The following RBM39 variants were observed in gnomAD, a reference collection of about 807,000 sequenced individuals.
RBM39 encodes the protein RNA-binding protein 39.
Under a neutral mutation model 79.6 loss-of-function variants are expected in RBM39, and 12 were observed. The observed-to-expected ratio is 0.15, with a 90% confidence interval of 0.10 to 0.24. The LOEUF (loss-of-function observed/expected upper bound fraction) is 0.24, where lower values mean the gene tolerates loss of function less well. RBM39 is among the 10% of genes least tolerant of loss of function. The pLI, the probability that RBM39 is intolerant of heterozygous loss-of-function variation, is 1.00. For missense variants in RBM39, 243 were observed against 653.4 expected (o/e 0.37, Z 6.85); for synonymous variants, 185 against 208.4 (o/e 0.89, Z 0.97).
intron 8 of RBM39, among the ~76,000 whole-genome samples, chr20:35,722,673 C>G (rs1279568953): frequency 6.6e-6 from 1 of 151,742 alleles, no homozygotes; most frequent in East Asian, 1.9e-4. Context: ...GTGTCTCACG[C>G]CTGTAATCCT....
At position 35,729,820 on chromosome 20, in the gene RBM39, T is replaced by C. The variant is rs1366291488; in HGVS notation, c.297-293A>G. Among the ~76,000 whole-genome samples, 5 of 141,518 alleles carry C rather than the reference T, an allele frequency of 3.5e-5. No homozygotes were observed. In the Admixed American group the frequency reaches 3.8e-4, roughly 11 times the overall value. 92.8% of individuals were successfully genotyped at this position (141,518 alleles called of 152,430 possible). A position where few individuals can be genotyped will look rare whatever the true frequency, so the allele number is the denominator to read the frequency against. ...ACTTTAGATATCTTTGTAAGCTACA[T>C]ATATATATACAGTCTTGAGAATTAA... is the stretch of plus-strand genomic sequence containing the variant. On this transcript the variant is annotated intron_variant, in intron 4 of 16. Coordinates refer to ENST00000253363, the MANE Select transcript of RBM39 (RefSeq NM_184234.3).
At chr20:35,712,928 T>C in intron 12 of RBM39, 91 bp downstream of exon 12, 1 of 983,176 alleles carries the variant, frequency 1.0e-6, no homozygotes, top group South Asian at 1.6e-5. Flanking sequence ...ATGAATTGAA[T>C]TCTCAGTAAG....
chr20:35,715,333 C>T (rs60223674), intron 10 of RBM39, among the ~76,000 whole-genome samples: 1 of 152,020 alleles, frequency 6.6e-6, no homozygotes, highest in African/African-American at 2.4e-5. Flanking sequence ...CGCCACCACG[C>T]CCGGTTAATT....
At chr20:35,739,249 A>G (rs911968304) in intron 2 of RBM39, 1 of 549,638 alleles carries the variant, frequency 1.8e-6, no homozygotes, top group Non-Finnish European at 3.3e-6. Context: ...CCATATTAAC[A>G]TGTTAAATTT....
intron 14 of RBM39, among the ~76,000 whole-genome samples, chr20:35,706,797 G>GT (rs2035782346): frequency 6.6e-6 from 1 of 152,052 alleles, no homozygotes. Flanking sequence ...GTAGGCTAAG[G>GT]TGGGCGGATC....
chr20:35,723,144 A>G (rs1246121181), intron 8 of RBM39, among the ~76,000 whole-genome samples: 2 of 152,088 alleles, frequency 1.3e-5, no homozygotes, highest in South Asian at 2.1e-4. Context: ...TTGTGATAAA[A>G]TAAGGTGTAT....
chr20:35,737,800 G>A (rs563761730), intron 3 of RBM39, among the ~76,000 whole-genome samples: 3 of 131,628 alleles, frequency 2.3e-5, no homozygotes, highest in African/African-American at 8.8e-5. Flanking sequence ...AGTGAGCAGA[G>A]ATCACACCAC....
At chr20:35,733,528 G>C (rs1005371002) in intron 3 of RBM39, among the ~76,000 whole-genome samples, 2 of 152,004 alleles carry the variant, frequency 1.3e-5, no homozygotes, top group Non-Finnish European at 2.9e-5. Context: ...AGAATCGCTT[G>C]AACCTGGGAG....
chr20:35,719,686 A>G (rs2037653303), intron 9 of RBM39, among the ~76,000 whole-genome samples: 1 of 152,202 alleles, frequency 6.6e-6, no homozygotes, highest in Non-Finnish European at 1.5e-5. Context: ...CTCAAAATTT[A>G]AGAAATAGTT....
chr20:35,739,633 C>T, intron 2 of RBM39: 5 of 435,144 alleles, frequency 1.1e-5, no homozygotes, highest in South Asian at 3.3e-5. Context: ...CCAAGTCCAG[C>T]CTAAACATTT....
intron 13 of RBM39, 137 bp downstream of exon 13, chr20:35,709,087 T>C (rs1049408175): frequency 3.1e-6 from 2 of 648,514 alleles, no homozygotes; most frequent in Non-Finnish European, 2.6e-6. Context: ...ACTATGAATA[T>C]ACCACTATGT....
intron 2 of RBM39, chr20:35,739,824 C>A: frequency 5.2e-6 from 1 of 191,762 alleles, no homozygotes; most frequent in Non-Finnish European, 1.1e-5. Flanking sequence ...GCTATACAAT[C>A]CAAAACAAAT....
chr20:35,708,360 A>G (rs2146494695), intron 13 of RBM39, among the ~76,000 whole-genome samples: 1 of 152,224 alleles, frequency 6.6e-6, no homozygotes, highest in Non-Finnish European at 1.5e-5. Context: ...TGATTCTTCC[A>G]GTTTCTCAAG....
chr20:35,727,072 C>T (rs1265928002), intron 6 of RBM39, among the ~76,000 whole-genome samples: 1 of 152,048 alleles, frequency 6.6e-6, no homozygotes, highest in Non-Finnish European at 1.5e-5. Flanking sequence ...TTGTTACAGG[C>T]ATGAGCCACC....
rs1038742027 is a variant in RBM39, at chr20:35,701,381, C to G, written c.*3100G>C. 1 of 158,340 alleles carries G rather than the reference C, an allele frequency of 6.3e-6. No individual in the cohort carries two copies. Among genetic ancestry groups the G allele is most frequent in the African/African-American group, 2.4e-5 (1 of 41,546 alleles). The allele number at this position is 158,340 out of a possible 1,614,324, so 9.8% of individuals were successfully genotyped here. A position where few individuals can be genotyped will look rare whatever the true frequency, so the allele number is the denominator to read the frequency against. The stretch of plus-strand genomic sequence containing the variant: ...TCTCGGCTTACCGCAACTTCTGCCT[C>G]CTGTGTTCAAGCGTTTCTCCTGCCT... On this transcript the variant is annotated 3_prime_UTR_variant, in exon 17 of 17. Transcript: ENST00000253363.
rs1189385200 is a variant in RBM39, at chr20:35,701,534, A to C, written c.*2947T>G. On this transcript the variant is annotated 3_prime_UTR_variant, in exon 17 of 17. Transcript: ENST00000253363. ...TTTGGGAGGCAAAGGCTGGTGGATCACAAGGTCAGGAGATGGAGACCATCT... is the reference window on the plus strand; with the variant it reads ...TTTGGGAGGCAAAGGCTGGTGGATCCCAAGGTCAGGAGATGGAGACCATCT... 1.3e-5 allele frequency: 2 copies of C among 152,472 alleles called. No homozygotes were observed. The highest frequency in any genetic ancestry group is 1.3e-4 in the Admixed American group (2 of 15,302). The allele number at this position is 152,472 out of a possible 1,614,324, so 9.4% of individuals were successfully genotyped here.
chr20:35,717,597 T>C (rs1038629411), intron 9 of RBM39, among the ~76,000 whole-genome samples: 7 of 152,170 alleles, frequency 4.6e-5, no homozygotes, highest in African/African-American at 1.2e-4. Flanking sequence ...ATTCTGTGAA[T>C]TGTACTAACT....
intron 9 of RBM39, among the ~76,000 whole-genome samples, chr20:35,719,104 C>G (rs897195821): frequency 2.6e-5 from 4 of 152,184 alleles, no homozygotes; most frequent in Non-Finnish European, 5.9e-5. Flanking sequence ...ACCCCATGAA[C>G]CAACTCCAGC....
Position 35,703,054 on chromosome 20 carries a change from A to T in RBM39, c.*1427T>A, listed in dbSNP as rs1367941798. ...GTGCTTCAATGCTAACAAAAAAAAAAGTTGAACAAATGAGGTAAGGAACTC... is the reference window on the plus strand; with the variant it reads ...GTGCTTCAATGCTAACAAAAAAAAATGTTGAACAAATGAGGTAAGGAACTC... On this transcript the variant is annotated 3_prime_UTR_variant, in exon 17 of 17. Coordinates refer to ENST00000253363, the MANE Select transcript of RBM39 (RefSeq NM_184234.3). 1.3e-5 allele frequency: 2 copies of T among 152,178 alleles called. No individual in the cohort carries two copies. The highest frequency in any genetic ancestry group is 6.5e-5 in the Admixed American group (1 of 15,274). The allele number at this position is 152,178 out of a possible 1,614,324, so 9.4% of individuals were successfully genotyped here.
Sources: allele counts gnomAD v4.1 joint callset (sites outside exome capture counted in the v4.1 genomes callset), GRCh38; gene constraint gnomAD v4.1.1; transcripts MANE v1.5; gene names NCBI Gene and HGNC (gene_info 2026-07-23, HGNC 2026-07-21).